Variants in ACAT2 observed in about 807,000 individuals in gnomAD.
ACAT2 encodes the protein acetyl-CoA acetyltransferase, cytosolic.
In ACAT2, 26 loss-of-function variants were observed where a neutral mutation model predicts 37.1. The observed-to-expected ratio is 0.70, with a 90% CI of 0.51 to 0.97. The LOEUF is 0.97. Ranked by LOEUF, ACAT2 falls within the 50% of genes least tolerant of loss-of-function variation. The probability of loss-of-function intolerance (pLI) is 0.00; values close to 1 mark genes in which losing one functional copy is unlikely to be tolerated. For synonymous variants in ACAT2, 156 were observed against 163.6 expected, an observed-to-expected ratio of 0.95 and a Z score of 0.35; for missense variants, 468 against 489.0, an observed-to-expected ratio of 0.96 and a Z score of 0.40.
At chr6:159,772,140 G>T (rs1256828000) in intron 4 of ACAT2, among the ~76,000 whole-genome samples, 1 of 152,054 alleles carries the variant, frequency 6.6e-6, no homozygotes, top group African/African-American at 2.4e-5. Flanking sequence ...GAGGAGACTT[G>T]CTTGAACCTA....
intron 2 of ACAT2, among the ~76,000 whole-genome samples, chr6:159,763,528 C>T (rs1030862757): frequency 2.0e-5 from 3 of 151,760 alleles, no homozygotes; most frequent in African/African-American, 7.3e-5. Flanking sequence ...CAGAGTGAGA[C>T]CCCTTCTCTA....
chr6:159,778,666 T>A lies in ACAT2; in HGVS notation c.1031T>A (p.Ile344Asn). The change falls in exon 9 of 9, where the codon ATT (isoleucine) becomes AAT (asparagine). Residue 344 changes from isoleucine (I) to asparagine (N), a missense_variant. Physicochemically the swap from Ile to Asn is moderately radical, Grantham distance 149. Coordinates refer to ENST00000367048, the MANE Select transcript of ACAT2 (RefSeq NM_005891.3). The stretch of plus-strand genomic sequence containing the variant: ...TCTTTTCTCCCCCGTTAGGTCAATA[T>A]TGAAGGAGGGGCTATAGCCTTGGGC... ...ELGLNPEKVN[I>N]EGGAIALGHP... 1 of 1,614,018 alleles carries A rather than the reference T, an allele frequency of 6.2e-7. No homozygotes were observed. The highest frequency in any genetic ancestry group is 8.5e-7 in the Non-Finnish European group (1 of 1,179,922).
chr6:159,773,437 TC>T (rs1020076476), intron 4 of ACAT2, among the ~76,000 whole-genome samples: 1 of 152,154 alleles, frequency 6.6e-6, no homozygotes. Context: ...AATGGCCCTT[TC>T]CAAGGCTAGG....
chr6:159,776,901 G>A (rs1780427939), intron 6 of ACAT2, among the ~76,000 whole-genome samples: 1 of 152,038 alleles, frequency 6.6e-6, no homozygotes, highest in Admixed American at 6.6e-5. Context: ...CAATTCTCCT[G>A]TCTCAGCCTC....
chr6:159,769,220 A>G (rs1284700077), intron 4 of ACAT2, among the ~76,000 whole-genome samples: 2 of 152,232 alleles, frequency 1.3e-5, no homozygotes, highest in East Asian at 1.9e-4. Flanking sequence ...ACAAGATTCC[A>G]AGAGGGAACT....
intron 4 of ACAT2, among the ~76,000 whole-genome samples, chr6:159,774,809 A>C (rs1780388407): frequency 1.3e-5 from 2 of 152,208 alleles, no homozygotes; most frequent in South Asian, 4.1e-4. Context: ...TATACACTGA[A>C]ATTAAAATTT....
intron 4 of ACAT2, among the ~76,000 whole-genome samples, chr6:159,770,209 A>C (rs1030840714): frequency 6.6e-6 from 1 of 152,236 alleles, no homozygotes; most frequent in African/African-American, 2.4e-5. Context: ...TAAAATCTCT[A>C]TGTCCAGTTA....
intron 7 of ACAT2, 95 bp downstream of exon 7, chr6:159,777,551 A>G (rs753304744): frequency 9.8e-5 from 127 of 1,299,506 alleles, no homozygotes; most frequent in Non-Finnish European, 1.3e-4. Context: ...TCCCTACCAG[A>G]AGAGTAACCA....
intron 4 of ACAT2, among the ~76,000 whole-genome samples, chr6:159,769,602 A>G (rs1442207088): frequency 6.6e-6 from 1 of 152,264 alleles, no homozygotes; most frequent in East Asian, 1.9e-4. Flanking sequence ...GTGAAAATAT[A>G]TAAAGCCACT....
At chr6:159,778,424 TAAAA>T (rs1162214335) in intron 8 of ACAT2, 144 bp downstream of exon 8, 767 of 90,392 alleles carry the variant, frequency 8.5e-3, no homozygotes, top group East Asian at 0.016. Flanking sequence ...TCCCAAGGTT[TAAAA>T]AAAAAAAAAA....
chr6:159,763,567 T>A (rs1177837214), intron 2 of ACAT2, among the ~76,000 whole-genome samples: 1 of 149,714 alleles, frequency 6.7e-6, no homozygotes, highest in Non-Finnish European at 1.5e-5. Context: ...GCTTCATTAA[T>A]ATGCTTTTTG....
chr6:159,769,481 G>T (rs896856469), intron 4 of ACAT2, among the ~76,000 whole-genome samples: 11 of 152,102 alleles, frequency 7.2e-5, no homozygotes, highest in Admixed American at 7.2e-4. Flanking sequence ...CTCCAGAACT[G>T]TAAGAAAATA....
At chr6:159,772,804 T>G (rs1780357641) in intron 4 of ACAT2, among the ~76,000 whole-genome samples, 1 of 144,418 alleles carries the variant, frequency 6.9e-6, no homozygotes, top group Non-Finnish European at 1.5e-5. Flanking sequence ...TGAGACATCA[T>G]CCAACAAAAA....
intron 1 of ACAT2, 119 bp downstream of exon 1, chr6:159,762,261 G>T (rs887010740): frequency 1.5e-6 from 2 of 1,340,828 alleles, no homozygotes; most frequent in African/African-American, 3.0e-5. Context: ...AGGCCAAGCC[G>T]CGAGGAGCCG....
At chr6:159,775,346 T>G (rs775780385) in intron 5 of ACAT2, 33 bp downstream of exon 5, 1 of 1,599,596 alleles carries the variant, frequency 6.3e-7, no homozygotes, top group Non-Finnish European at 8.5e-7. Context: ...AACATCAACC[T>G]ATTTATAGGT....
chr6:159,776,712 C>G (rs1780421260), intron 6 of ACAT2, among the ~76,000 whole-genome samples: 1 of 152,184 alleles, frequency 6.6e-6, no homozygotes, highest in Admixed American at 6.5e-5. Context: ...GTACCAGAAA[C>G]TCCCAATACC....
At chr6:159,767,325 C>T in intron 3 of ACAT2, 139 bp downstream of exon 3, 2 of 896,168 alleles carry the variant, frequency 2.2e-6, no homozygotes, top group Admixed American at 2.8e-5. Context: ...ACCTTGATCC[C>T]TACTTGAATG....
intron 4 of ACAT2, among the ~76,000 whole-genome samples, chr6:159,772,208 C>A (rs12662666): frequency 0.46 from 69,512 of 151,976 alleles, 18,079 homozygotes; most frequent in Non-Finnish European, 0.58. Context: ...GCCTGGGCAA[C>A]AAGAATGAAA....
In ACAT2 at chr6:159,768,539, G is replaced by A; in HGVS notation, c.401G>A (p.Gly134Glu). The change falls in exon 4 of 9, where the codon GGA becomes GAA. Residue 134 changes from glycine (G) to glutamate (E), a missense_variant. Physicochemically the swap from Gly to Glu is moderately conservative, Grantham distance 98. Coordinates refer to ENST00000367048, the MANE Select transcript of ACAT2 (RefSeq NM_005891.3). ...KAPHLAYLRT[G>E]VKIGEMPLTD... The stretch of plus-strand genomic sequence containing the variant: ...CCTCACTTGGCTTACTTGAGAACAG[G>A]AGTAAAGATAGGTGAGATGCCACTG... 2 of 1,613,844 alleles carry A rather than the reference G, an allele frequency of 1.2e-6. No individual in the cohort carries two copies. Among genetic ancestry groups the A allele is most frequent in the Non-Finnish European group, 1.7e-6 (2 of 1,179,796 alleles).
Sources: gnomAD v4.1 joint callset for allele counts (sites outside exome capture counted in the v4.1 genomes callset) on GRCh38, gnomAD v4.1.1 for gene constraint, MANE v1.5 for transcripts, NCBI Gene and HGNC (gene_info 2026-07-23, HGNC 2026-07-21) for gene names.